Variants in ZNF573 observed in about 807,000 individuals in gnomAD.
ZNF573 encodes the protein zinc finger protein 573.
Under a neutral mutation model 57.4 loss-of-function variants are expected in ZNF573, and 41 were observed. The ratio of observed to expected loss-of-function variants is 0.71; its 90% CI spans 0.56 to 0.93. ZNF573 has a LOEUF of 0.93. Ranked by LOEUF, ZNF573 falls within the 40% of genes least tolerant of loss-of-function variation. ZNF573 has a pLI of 0.00. For synonymous variants in ZNF573, 249 were observed against 261.0 expected, an observed-to-expected ratio of 0.95 and a Z score of 0.44; for missense variants, 730 against 794.8, an observed-to-expected ratio of 0.92 and a Z score of 0.98.
intron 4 of ZNF573, among the ~76,000 whole-genome samples, chr19:37,759,533 C>T (rs2045530328): frequency 6.6e-6 from 1 of 152,006 alleles, no homozygotes; most frequent in Non-Finnish European, 1.5e-5. Context: ...TGAGACCATC[C>T]TAGCTAATAC....
chr19:37,771,950 A>G (rs2045663308), intron 2 of ZNF573, among the ~76,000 whole-genome samples: 2 of 152,206 alleles, frequency 1.3e-5, no homozygotes, highest in African/African-American at 4.8e-5. Flanking sequence ...ACAATAATTC[A>G]GACCTGCTGA....
At chr19:37,763,651 T>A (rs1428646905) in intron 4 of ZNF573, among the ~76,000 whole-genome samples, 7 of 152,164 alleles carry the variant, frequency 4.6e-5, no homozygotes, top group African/African-American at 1.7e-4. Flanking sequence ...TTTCATAATA[T>A]GATTACAGTG....
chr19:37,745,077 C>T (rs370958943), intron 4 of ZNF573, among the ~76,000 whole-genome samples: 6 of 150,110 alleles, frequency 4.0e-5, no homozygotes, highest in Admixed American at 3.3e-4. Flanking sequence ...CCACCGTGCC[C>T]GGCCAGGAAA....
chr19:37,739,264 G>A lies in ZNF573; in HGVS notation c.1226C>T (p.Thr409Ile). 6.2e-7 allele frequency: 1 copy of A among 1,614,054 alleles called. No individual in the cohort carries two copies. Among genetic ancestry groups the A allele is most frequent in the South Asian group, 1.1e-5 (1 of 91,080 alleles). The change falls in exon 5 of 5, where the codon ACT becomes ATT. Residue 409 changes from threonine to isoleucine, a missense_variant. Transcript: ENST00000536220. The stretch of plus-strand genomic sequence containing the variant: ...CTTGCATTCATAGGGTTTCTCGCCA[G>A]TATGAGTTTTCTGATGTTGAAAGAG... ...SKLFQHQKTHTGEKPYECKEC... is the reference protein window; with the variant it reads ...SKLFQHQKTHIGEKPYECKEC...
chr19:37,762,899 G>A (rs1265202167), intron 4 of ZNF573, among the ~76,000 whole-genome samples: 2 of 151,882 alleles, frequency 1.3e-5, no homozygotes, highest in Non-Finnish European at 2.9e-5. Context: ...AGCCTCCTGA[G>A]TAGCTGGGAT....
intron 4 of ZNF573, among the ~76,000 whole-genome samples, chr19:37,745,586 G>A (rs1457315470): frequency 6.6e-6 from 1 of 151,908 alleles, no homozygotes; most frequent in South Asian, 2.1e-4. Flanking sequence ...AGTAGAGACA[G>A]GGTTTCACCA....
At chr19:37,778,971 C>G (rs2045738133) in intron 1 of ZNF573, among the ~76,000 whole-genome samples, 1 of 152,174 alleles carries the variant, frequency 6.6e-6, no homozygotes, top group Non-Finnish European at 1.5e-5. Context: ...CGTTTCCAAT[C>G]TCACAGCAAG....
chr19:37,777,835 A>G (rs545630716), intron 1 of ZNF573, among the ~76,000 whole-genome samples: 1 of 151,396 alleles, frequency 6.6e-6, no homozygotes, highest in East Asian at 2.0e-4. Context: ...GGAGACTGAG[A>G]CCACGGTGAA....
At chr19:37,748,044 G>T (rs2045398388) in intron 4 of ZNF573, among the ~76,000 whole-genome samples, 1 of 152,100 alleles carries the variant, frequency 6.6e-6, no homozygotes, top group Non-Finnish European at 1.5e-5. Flanking sequence ...CAACAGACTT[G>T]GATTGGGAGA....
intron 4 of ZNF573, among the ~76,000 whole-genome samples, chr19:37,767,298 G>A (rs927842935): frequency 1.3e-5 from 2 of 151,688 alleles, no homozygotes; most frequent in Non-Finnish European, 2.9e-5. Flanking sequence ...GCGCGATCTC[G>A]GCAAACTGCA....
At chr19:37,752,043 T>C (rs1434022164) in intron 4 of ZNF573, among the ~76,000 whole-genome samples, 1 of 150,570 alleles carries the variant, frequency 6.6e-6, no homozygotes, top group Admixed American at 6.6e-5. Flanking sequence ...ATATAGTATA[T>C]AGTACAGTAT....
At chr19:37,767,403 T>C (rs1390341728) in intron 4 of ZNF573, among the ~76,000 whole-genome samples, 1 of 151,928 alleles carries the variant, frequency 6.6e-6, no homozygotes, top group African/African-American at 2.4e-5. Flanking sequence ...TAATTTTTTG[T>C]ATTTTTTTTT....
intron 4 of ZNF573, among the ~76,000 whole-genome samples, chr19:37,761,728 C>T (rs1265295738): frequency 6.6e-6 from 1 of 152,172 alleles, no homozygotes; most frequent in Admixed American, 6.5e-5. Flanking sequence ...CATTAGATCA[C>T]ACCCTTTTTG....
intron 4 of ZNF573, among the ~76,000 whole-genome samples, chr19:37,761,306 G>A (rs560492118): frequency 5.9e-5 from 9 of 152,256 alleles, no homozygotes; most frequent in Non-Finnish European, 8.8e-5. Context: ...TATCTGTATT[G>A]TTTTCCTGGG....
At chr19:37,752,343 C>T (rs895062633) in intron 4 of ZNF573, among the ~76,000 whole-genome samples, 1 of 151,892 alleles carries the variant, frequency 6.6e-6, no homozygotes, top group Non-Finnish European at 1.5e-5. Flanking sequence ...ACTTGGATTA[C>T]AAAAGTTTCC....
In ZNF573 at chr19:37,740,020, A is replaced by C; in HGVS notation, c.470T>G (p.Val157Gly). 6.2e-7 allele frequency: 1 copy of C among 1,614,152 alleles called. No individual in the cohort carries two copies. The highest frequency in any genetic ancestry group is 8.5e-7 in the Non-Finnish European group (1 of 1,180,004). The change falls in exon 5 of 5, where the codon GTC becomes GGC. Residue 157 changes from valine (V) to glycine (G), a missense_variant. Coordinates refer to ENST00000536220, the MANE Select transcript of ZNF573 (RefSeq NM_001172690.2). The stretch of plus-strand genomic sequence containing the variant: ...TTTGCATTCATAGGGTCTCTCAATG[A>C]CATGAAACCTGTGATGTAGAATAAG... ...YQLILHHRFH[V>G]IERPYECKEC... is the part of the protein sequence containing the mutation.
At chr19:37,754,855 C>T (rs532497782) in intron 4 of ZNF573, among the ~76,000 whole-genome samples, 1 of 152,108 alleles carries the variant, frequency 6.6e-6, no homozygotes, top group Non-Finnish European at 1.5e-5. Flanking sequence ...AGCCACACAA[C>T]ATAACACCTA....
At chr19:37,742,954 C>A (rs966341170) in intron 4 of ZNF573, among the ~76,000 whole-genome samples, 2 of 152,194 alleles carry the variant, frequency 1.3e-5, no homozygotes, top group Non-Finnish European at 2.9e-5. Flanking sequence ...TTACAAGGAA[C>A]TTAAACAAAT....
In ZNF573 at chr19:37,738,351, T is replaced by C. The variant is rs959509545; in HGVS notation, c.*141A>G. ...ATATTCCATTAAAACAGGACTGACA[T>C]TGAATGCTTTCTAATGTGGCAAGAT... On this transcript the variant is annotated 3_prime_UTR_variant, in exon 5 of 5. Transcript: ENST00000536220. 4 of 803,046 alleles carry C rather than the reference T, an allele frequency of 5.0e-6. No individual in the cohort carries two copies. Among genetic ancestry groups the C allele is most frequent in the South Asian group, 4.2e-5 (1 of 23,884 alleles). The allele number at this position is 803,046 out of a possible 1,614,324, so 49.7% of individuals were successfully genotyped here.
Sources: allele counts gnomAD v4.1 joint callset (sites outside exome capture counted in the v4.1 genomes callset), GRCh38; gene constraint gnomAD v4.1.1; transcripts MANE v1.5; gene names NCBI Gene and HGNC (gene_info 2026-07-23, HGNC 2026-07-21).